The following WDR33 variants were observed in gnomAD, a reference collection of about 807,000 sequenced individuals.
WDR33 encodes pre-mRNA 3' end processing protein WDR33.
WDR33 carries 47 observed loss-of-function variants against 164.9 expected under a neutral mutation model. The ratio of observed to expected loss-of-function variants is 0.29; its 90% CI spans 0.23 to 0.36. The LOEUF (loss-of-function observed/expected upper bound fraction) is 0.36. Among genes scored for constraint, WDR33 ranks in the 10% least tolerant of loss-of-function variants. The pLI is 1.00. For missense variants in WDR33, 1,137 were observed against 1,754.1 expected (o/e 0.65, Z 6.28); for synonymous variants, 505 against 589.0 (o/e 0.86, Z 2.06).
chr2:127,753,912 A>G (rs1687443199), intron 7 of WDR33, among the ~76,000 whole-genome samples: 1 of 152,210 alleles, frequency 6.6e-6, no homozygotes, highest in Non-Finnish European at 1.5e-5. Context: ...TTCAAAGCCT[A>G]ACCTACCTAG....
At position 127,701,700 on chromosome 2, in the gene WDR33, G is replaced by C; in HGVS notation, c.*4623C>G. On this transcript the variant is annotated 3_prime_UTR_variant, in exon 22 of 22. Coordinates refer to ENST00000322313, the MANE Select transcript of WDR33 (RefSeq NM_018383.5). ...GCGCTGGACGTGGGCGCGGAGCCCT[G>C]CGGAGTCGGCAGCGGCCGGCCTGAC... The C allele has an allele frequency of 1.5e-6, 2 of 1,322,800 alleles. No homozygotes were observed. The highest frequency in any genetic ancestry group is 1.9e-6 in the Non-Finnish European group (2 of 1,041,408). The allele number at this position is 1,322,800 out of a possible 1,614,324, so 81.9% of individuals were successfully genotyped here.
intron 1 of WDR33, among the ~76,000 whole-genome samples, chr2:127,788,498 C>T (rs1467522044): frequency 5.0e-4 from 58 of 116,610 alleles, no homozygotes; most frequent in Admixed American, 6.4e-4. Flanking sequence ...CCCTCCCGGA[C>T]GGGGCGGCTG....
intron 1 of WDR33, among the ~76,000 whole-genome samples, chr2:127,775,298 C>G (rs994561224): frequency 3.3e-5 from 5 of 152,224 alleles, no homozygotes; most frequent in African/African-American, 1.2e-4. Flanking sequence ...AAGCAATTCT[C>G]CTACCTCTGC....
chr2:127,775,388 C>T (rs1472890198), intron 1 of WDR33, among the ~76,000 whole-genome samples: 1 of 152,136 alleles, frequency 6.6e-6, no homozygotes, highest in Non-Finnish European at 1.5e-5. Flanking sequence ...GGGGTTTTGC[C>T]ATGTTGGTCA....
intron 7 of WDR33, among the ~76,000 whole-genome samples, chr2:127,757,105 C>A (rs1275411990): frequency 6.7e-6 from 1 of 150,188 alleles, no homozygotes; most frequent in African/African-American, 2.5e-5. Flanking sequence ...GTCGAATCTT[C>A]ACATACAAAA....
Position 127,735,524 on chromosome 2 carries a change from C to T in WDR33, c.725-8747G>A. ...AACTTATAAAAAGCACCAAGATTTT[C>T]TAATACAGGAAGAAAAAAGGCAAAC... On this transcript the variant is annotated intron_variant, in intron 7 of 21. Coordinates refer to ENST00000322313, the MANE Select transcript of WDR33 (RefSeq NM_018383.5). The surrounding 1 kb of genome is among the most constrained non-coding windows in gnomAD (Gnocchi z 4.3). 1 of 985,566 alleles carries T rather than the reference C, an allele frequency of 1.0e-6. No individual in the cohort carries two copies. Among genetic ancestry groups the T allele is most frequent in the Non-Finnish European group, 1.2e-6 (1 of 829,734 alleles). The allele number at this position is 985,566 out of a possible 1,614,324, so 61.1% of individuals were successfully genotyped here. A position where few individuals can be genotyped will look rare whatever the true frequency, so the allele number is the denominator to read the frequency against.
chr2:127,791,802 T>C (rs1688853253), intron 1 of WDR33, among the ~76,000 whole-genome samples: 1 of 152,212 alleles, frequency 6.6e-6, no homozygotes, highest in Admixed American at 6.5e-5. Flanking sequence ...ACTACCAGCA[T>C]GAGGTAAAAG....
chr2:127,782,595 G>A (rs1306799133), intron 1 of WDR33, among the ~76,000 whole-genome samples: 1 of 152,126 alleles, frequency 6.6e-6, no homozygotes, highest in Non-Finnish European at 1.5e-5. Flanking sequence ...TTCAACCGAG[G>A]AAGAAAAATA....
chr2:127,770,145 A>T lies in WDR33; in HGVS notation c.204+633T>A, dbSNP rs1422747581. Reference sequence around the variant, plus strand: ...TTTCATATACACTGCAGGTTTAACAAGTGTTTTAAGACTGGCCTAGCGATT... The same window carrying T: ...TTTCATATACACTGCAGGTTTAACATGTGTTTTAAGACTGGCCTAGCGATT... On this transcript the variant is annotated intron_variant, in intron 2 of 21. Transcript: ENST00000322313. This position sits in a 1 kb window ranked among gnomAD's most constrained non-coding sequence, Gnocchi z 4.9. Among the ~76,000 whole-genome samples the T allele has an allele frequency of 6.6e-6, 1 of 150,700 alleles. No individual in the cohort carries two copies. The highest frequency in any genetic ancestry group is 1.5e-5 in the Non-Finnish European group (1 of 68,032).
At chr2:127,780,634 T>C (rs1055092729) in intron 1 of WDR33, among the ~76,000 whole-genome samples, 1 of 152,054 alleles carries the variant, frequency 6.6e-6, no homozygotes, top group Non-Finnish European at 1.5e-5. Flanking sequence ...GTGGCCAAGG[T>C]GGGAGGATCA....
chr2:127,717,192 G>A lies in WDR33; in HGVS notation c.2832C>T (p.Pro944=). The part of the protein sequence containing the change: ...LGQQGAQGRI[P]PLNPGQGPGP... The stretch of plus-strand genomic sequence containing the variant: ...CAGGTCCTTGTCCGGGGTTCAGAGG[G>A]GGAATGCGACCTTGTGCTCCCTGCT... Residue 944 remains proline (P), a synonymous_variant, in exon 17 of 22, where the codon CCC becomes CCT. Transcript: ENST00000322313. This position sits in a 1 kb window ranked among gnomAD's most constrained non-coding sequence, Gnocchi z 5.6. 2 of 1,609,860 alleles carry A rather than the reference G, an allele frequency of 1.2e-6. No homozygotes were observed. The highest frequency in any genetic ancestry group is 1.7e-6 in the Non-Finnish European group (2 of 1,178,024).
Position 127,719,201 on chromosome 2 carries a change from G to A in WDR33, c.2760+64C>T, listed in dbSNP as rs1008412402. The A allele has an allele frequency of 7.4e-7, 1 of 1,346,172 alleles. No homozygotes were observed. The highest frequency in any genetic ancestry group is 9.5e-7 in the Non-Finnish European group (1 of 1,049,064). The allele number at this position is 1,346,172 out of a possible 1,614,324, so 83.4% of individuals were successfully genotyped here. On this transcript the variant is annotated intron_variant, in intron 16 of 21. Coordinates refer to ENST00000322313, the MANE Select transcript of WDR33 (RefSeq NM_018383.5). The surrounding 1 kb of genome is among the most constrained non-coding windows in gnomAD (Gnocchi z 6.5). ...CTGTGACCATTTTCCACAATACTCA[G>A]CAGTATTACTTCTGTGCAGAGTGTA...
chr2:127,809,413 A>G (rs1573496866), intron 1 of WDR33, among the ~76,000 whole-genome samples: 1 of 145,796 alleles, frequency 6.9e-6, no homozygotes, highest in South Asian at 2.2e-4. Flanking sequence ...ATTGTAATAT[A>G]TGTAAGCCAA....
At chr2:127,777,910 T>G (rs965155356) in intron 1 of WDR33, among the ~76,000 whole-genome samples, 2 of 152,190 alleles carry the variant, frequency 1.3e-5, no homozygotes, top group African/African-American at 4.8e-5. Context: ...CTGCACCTGG[T>G]CAATTCTGCT....
At chr2:127,767,964 A>C (rs989184568) in intron 4 of WDR33, among the ~76,000 whole-genome samples, 28 of 152,356 alleles carry the variant, frequency 1.8e-4, no homozygotes, top group African/African-American at 6.5e-4. Flanking sequence ...AGAGAATTCT[A>C]CAGAAATTGC....
rs1051002209 is a variant in WDR33 at position 127,710,259 on chromosome 2, C to T, written c.3309-403G>A. ...GTAAGTGCTGGTGATCTGAACTCAG[C>T]CAGTCTTGACCCTCGGCCCAGGTTC... On this transcript the variant is annotated intron_variant, in intron 18 of 21. Transcript: ENST00000322313. The surrounding 1 kb of genome is among the most constrained non-coding windows in gnomAD (Gnocchi z 4.4). Among the ~76,000 whole-genome samples the T allele has an allele frequency of 1.3e-5, 2 of 152,226 alleles. No individual in the cohort carries two copies. The highest frequency in any genetic ancestry group is 6.5e-5 in the Admixed American group (1 of 15,290).
chr2:127,769,907 C>T (rs1443748405), intron 2 of WDR33, among the ~76,000 whole-genome samples: 2 of 152,166 alleles, frequency 1.3e-5, no homozygotes, highest in African/African-American at 2.4e-5. Context: ...AGAACTCTAA[C>T]GGGAAACTGC....
At chr2:127,732,579 G>A (rs1686739044) in intron 7 of WDR33, among the ~76,000 whole-genome samples, 2 of 152,076 alleles carry the variant, frequency 1.3e-5, no homozygotes, top group Admixed American at 1.3e-4. Context: ...TTTGTTTAAT[G>A]GCAACTACTT....
At chr2:127,733,124 A>G (rs1686750856) in intron 7 of WDR33, among the ~76,000 whole-genome samples, 1 of 152,172 alleles carries the variant, frequency 6.6e-6, no homozygotes. Context: ...TAAAGATTTT[A>G]GTACTGAAAA....
Sources: gnomAD v4.1 joint callset for allele counts (sites outside exome capture counted in the v4.1 genomes callset) on GRCh38, gnomAD v4.1.1 for gene constraint, Gnocchi (gnomAD v3.1) non-coding constraint, MANE v1.5 for transcripts, NCBI Gene and HGNC (gene_info 2026-07-23, HGNC 2026-07-21) for gene names.